PARD3: variants seen among roughly 807,000 people sequenced by gnomAD.
PARD3 encodes partitioning defective 3 homolog.
A neutral mutation model predicts 155.4 loss-of-function variants in PARD3; 75 were observed. The observed-to-expected ratio is 0.48, with a 90% confidence interval of 0.40 to 0.58. The LOEUF (loss-of-function observed/expected upper bound fraction) is 0.58, where lower values mean the gene tolerates loss of function less well. Ranked by LOEUF, PARD3 falls within the 20% of genes least tolerant of loss-of-function variation. PARD3 has a pLI of 0.00. For missense variants in PARD3, 1,642 were observed against 1,721.7 expected (o/e 0.95, Z 0.82); for synonymous variants, 576 against 610.5 (o/e 0.94, Z 0.83).
intron 1 of PARD3, among the ~76,000 whole-genome samples, chr10:34,717,318 A>G (rs374306927): frequency 2.0e-5 from 3 of 152,170 alleles, no homozygotes; most frequent in African/African-American, 4.8e-5. Flanking sequence ...CTATGATGCT[A>G]TATCAGAAAA....
intron 1 of PARD3, among the ~76,000 whole-genome samples, chr10:34,711,908 C>A (rs1264005573): frequency 1.3e-5 from 2 of 152,110 alleles, no homozygotes; most frequent in African/African-American, 4.8e-5. Flanking sequence ...AGTTTACATT[C>A]CAGGAAACAT....
chr10:34,605,592 CTATA>C (rs1168661937), intron 2 of PARD3, among the ~76,000 whole-genome samples: 1 of 26,240 alleles, frequency 3.8e-5, no homozygotes, highest in Admixed American at 3.9e-4. Flanking sequence ...TATATATCTC[CTATA>C]TATATATATC....
chr10:34,457,864 G>T (rs1387104092), intron 4 of PARD3, among the ~76,000 whole-genome samples: 3 of 152,256 alleles, frequency 2.0e-5, no homozygotes, highest in East Asian at 1.9e-4. Flanking sequence ...GCCTCCCAAA[G>T]TATGGAATTA....
At chr10:34,428,442 GAAACTC>G (rs2075734571) in intron 5 of PARD3, among the ~76,000 whole-genome samples, 3 of 152,072 alleles carry the variant, frequency 2.0e-5, no homozygotes, top group African/African-American at 4.8e-5. Flanking sequence ...TTTGAGCCCA[GAAACTC>G]AAACCCAGTC....
At chr10:34,627,425 A>G (rs941130131) in intron 2 of PARD3, among the ~76,000 whole-genome samples, 1 of 152,166 alleles carries the variant, frequency 6.6e-6, no homozygotes, top group Non-Finnish European at 1.5e-5. Context: ...TTACTTGGAG[A>G]TCGGATCTTT....
At chr10:34,135,533 G>T (rs921262086) in intron 22 of PARD3, among the ~76,000 whole-genome samples, 4 of 152,178 alleles carry the variant, frequency 2.6e-5, no homozygotes, top group African/African-American at 9.7e-5. Context: ...AGACCATGCG[G>T]TGTACAAGGC....
intron 3 of PARD3, among the ~76,000 whole-genome samples, chr10:34,480,315 A>G (rs777249847): frequency 3.3e-5 from 5 of 152,180 alleles, no homozygotes; most frequent in Non-Finnish European, 5.9e-5. Flanking sequence ...AGCTCACTGC[A>G]GCCTGGAACT....
intron 2 of PARD3, among the ~76,000 whole-genome samples, chr10:34,589,180 G>T (rs1325612466): frequency 6.6e-6 from 1 of 152,114 alleles, no homozygotes; most frequent in Non-Finnish European, 1.5e-5. Context: ...GAAATATTTT[G>T]CTCTATAAAA....
chr10:34,792,785 A>G (rs1354601658), intron 1 of PARD3, among the ~76,000 whole-genome samples: 2 of 152,236 alleles, frequency 1.3e-5, no homozygotes, highest in African/African-American at 4.8e-5. Flanking sequence ...CTCGCCAAAG[A>G]AGGAGACTGC....
At chr10:34,429,021 AAGTCAT>A (rs1459414601) in intron 5 of PARD3, among the ~76,000 whole-genome samples, 1 of 152,236 alleles carries the variant, frequency 6.6e-6, no homozygotes, top group East Asian at 1.9e-4. Flanking sequence ...AATTTTTTAG[AAGTCAT>A]AGTCAGAGTA....
intron 1 of PARD3, among the ~76,000 whole-genome samples, chr10:34,780,480 A>C (rs183611781): frequency 1.2e-4 from 19 of 152,376 alleles, no homozygotes; most frequent in Admixed American, 1.2e-3. Flanking sequence ...TAATTATTAC[A>C]AGCCCATAAT....
intron 3 of PARD3, among the ~76,000 whole-genome samples, chr10:34,490,183 C>T (rs1044256953): frequency 6.6e-6 from 1 of 152,178 alleles, no homozygotes; most frequent in Non-Finnish European, 1.5e-5. Flanking sequence ...AGAAAAGACA[C>T]TATTCATTAG....
intron 5 of PARD3, among the ~76,000 whole-genome samples, chr10:34,431,017 C>A (rs1180081795): frequency 6.6e-6 from 1 of 152,186 alleles, no homozygotes; most frequent in Non-Finnish European, 1.5e-5. Flanking sequence ...TGGATTTCCA[C>A]AAAATTCTAC....
chr10:34,111,782 G>A (rs1946396587), intron 24 of PARD3, among the ~76,000 whole-genome samples: 3 of 152,158 alleles, frequency 2.0e-5, no homozygotes, highest in Admixed American at 2.0e-4. Flanking sequence ...GAGTAAACAG[G>A]AGAGAGAACT....
At chr10:34,233,812 A>G (rs1387899641) in intron 22 of PARD3, among the ~76,000 whole-genome samples, 5 of 152,172 alleles carry the variant, frequency 3.3e-5, no homozygotes, top group Middle Eastern at 3.4e-3. Context: ...CAGCTCCCTC[A>G]CACAGGCTTC....
At chr10:34,732,906 C>T (rs532699313) in intron 1 of PARD3, among the ~76,000 whole-genome samples, 1 of 152,106 alleles carries the variant, frequency 6.6e-6, no homozygotes, top group Non-Finnish European at 1.5e-5. Flanking sequence ...AAGGCCACTA[C>T]AAATAGCAAC....
At chr10:34,748,096 G>T (rs1835529643) in intron 1 of PARD3, among the ~76,000 whole-genome samples, 1 of 152,164 alleles carries the variant, frequency 6.6e-6, no homozygotes, top group South Asian at 2.1e-4. Context: ...TGCGGGAGGA[G>T]GTGTCTAGGT....
At position 34,809,295 on chromosome 10, in the gene PARD3, C is replaced by A. The variant is rs191230938; in HGVS notation, c.120+5581G>T. Reference sequence around the variant, plus strand: ...CATTCTGACTGCAATGTGACAGACACGGGCTATTCACCAAGACTGAAGCTC... The same window carrying A: ...CATTCTGACTGCAATGTGACAGACAAGGGCTATTCACCAAGACTGAAGCTC... On this transcript the variant is annotated intron_variant, in intron 1 of 24. Transcript: ENST00000374788. Among the ~76,000 whole-genome samples, 44 of 152,292 alleles carry A rather than the reference C, an allele frequency of 2.9e-4. 1 individual carries two copies. The highest frequency in any genetic ancestry group is 1.0e-3 in the African/African-American group (42 of 41,564).
At chr10:34,425,520 C>CA (rs1375786186) in intron 5 of PARD3, among the ~76,000 whole-genome samples, 1 of 152,104 alleles carries the variant, frequency 6.6e-6, no homozygotes, top group African/African-American at 2.4e-5. Context: ...TTCAGCCTTC[C>CA]TAGCAGCTGG....
Sources: gnomAD v4.1 joint callset for allele counts (sites outside exome capture counted in the v4.1 genomes callset) on GRCh38, gnomAD v4.1.1 for gene constraint, MANE v1.5 for transcripts, NCBI Gene and HGNC (gene_info 2026-07-23, HGNC 2026-07-21) for gene names.